Variants in DYNC2H1 observed in about 807,000 individuals in gnomAD.
DYNC2H1 encodes the protein dynein cytoplasmic 2 heavy chain 1.
A neutral mutation model predicts 570.0 loss-of-function variants in DYNC2H1; 410 were observed. The ratio of observed to expected loss-of-function variants is 0.72; its 90% confidence interval spans 0.66 to 0.78. The LOEUF is 0.78. DYNC2H1 is among the 30% of genes least tolerant of loss of function. DYNC2H1 has a pLI of 0.00. For synonymous variants in DYNC2H1, 1,688 were observed against 1,677.6 expected (o/e 1.01, Z -0.15); for missense variants, 4,865 against 5,046.4 (o/e 0.96, Z 1.09).
chr11:103,332,726 G>A (rs1183594423), intron 82 of DYNC2H1, among the ~76,000 whole-genome samples: 1 of 152,180 alleles, frequency 6.6e-6, no homozygotes, highest in Non-Finnish European at 1.5e-5. Flanking sequence ...TCTCGGCTGG[G>A]CACAGTGGCT....
At position 103,358,342 on chromosome 11, in the gene DYNC2H1, T is replaced by C; in HGVS notation, c.12139T>C (p.Trp4047Arg). Reference sequence around the variant, plus strand: ...TGAACTTTCTCCTGTCCTCAATCTCTGGAAGAAACTAAACCAGGTTAGTAG... The same window carrying C: ...TGAACTTTCTCCTGTCCTCAATCTCCGGAAGAAACTAAACCAGGTTAGTAG... ...SNELSPVLNL[W>R]KKLNQNSNLI... The change falls in exon 83 of 89, where the codon TGG becomes CGG. Residue 4047 changes from tryptophan (W) to arginine (R), a missense_variant. Transcript: ENST00000375735. 1 of 1,573,540 alleles carries C rather than the reference T, an allele frequency of 6.4e-7. No individual in the cohort carries two copies. The highest frequency in any genetic ancestry group is 1.2e-5 in the South Asian group (1 of 85,914).
At chr11:103,114,381 T>C (rs1858271071) in intron 3 of DYNC2H1, 143 bp downstream of exon 3, 1 of 992,072 alleles carries the variant, frequency 1.0e-6, no homozygotes. Context: ...AGTAGATTTA[T>C]GTGGATGTAG....
intron 70 of DYNC2H1, among the ~76,000 whole-genome samples, chr11:103,270,150 G>A (rs12805374): frequency 0.11 from 16,319 of 149,380 alleles, 1,031 homozygotes; most frequent in East Asian, 0.22. Context: ...CTGAGATCAC[G>A]CCACTGCATT....
Position 103,211,866 on chromosome 11 carries a change from A to G in DYNC2H1, c.8617A>G (p.Met2873Val). ...ATATGGTGCTACACCAAGCCGATAC[A>G]TGACCTTTTTACATGTGTATTCTGC... is the stretch of plus-strand genomic sequence containing the variant. ...KAYGATPSRY[M>V]TFLHVYSAIS... The change falls in exon 54 of 89, where the codon ATG becomes GTG. Residue 2873 changes from methionine (M) to valine (V), a missense_variant. By Grantham distance (21) the Met-to-Val change is conservative. Around this residue, in one of 5 missense-constraint regions of DYNC2H1, gnomAD observed 2,401 missense variants for 2,454.6 expected, o/e 0.98. Transcript: ENST00000375735. The G allele has an allele frequency of 2.0e-6, 3 of 1,531,022 alleles. No homozygotes were observed. The highest frequency in any genetic ancestry group is 1.8e-6 in the Non-Finnish European group (2 of 1,136,130). 94.8% of individuals were successfully genotyped at this position (1,531,022 alleles called of 1,614,324 possible). A position where few individuals can be genotyped will look rare whatever the true frequency, so the allele number is the denominator to read the frequency against.
Position 103,479,206 on chromosome 11 carries a change from G to C in DYNC2H1, c.12877G>C (p.Asp4293His), listed in dbSNP as rs1945666073. 1 of 1,613,880 alleles carries C rather than the reference G, an allele frequency of 6.2e-7. No individual in the cohort carries two copies. The highest frequency in any genetic ancestry group is 1.3e-5 in the African/African-American group (1 of 75,050). The change falls in exon 89 of 89, where the codon GAC becomes CAC. Residue 4293 changes from aspartate (D) to histidine (H), a missense_variant. By Grantham distance (81) the Asp-to-His change is moderately conservative. Coordinates refer to ENST00000375735, the MANE Select transcript of DYNC2H1 (RefSeq NM_001377.3). ...TGATGTTCCATGTGGGGGCAACCAA[G>C]ACCAGTGGATTCAGTGTGGAGCAGC... ...NIDVPCGGNQ[D>H]QWIQCGAALF...
At position 103,154,739 on chromosome 11, in the gene DYNC2H1, A is replaced by G; in HGVS notation, c.3503A>G (p.Asp1168Gly). The change falls in exon 24 of 89, where the codon GAC becomes GGC. Residue 1168 changes from aspartate (D) to glycine (G), a missense_variant. Transcript: ENST00000375735. ...GAGGAATTTTTGATGAACTGGCATG[A>G]CAGATTAAGGAAGGTTGAAGAACAT... ...LFEEFLMNWH[D>G]RLRKVEEHSV... is the part of the protein sequence containing the mutation. 6.4e-7 allele frequency: 1 copy of G among 1,573,604 alleles called. No homozygotes were observed. Among genetic ancestry groups the G allele is most frequent in the South Asian group, 1.2e-5 (1 of 84,842 alleles).
intron 37 of DYNC2H1, among the ~76,000 whole-genome samples, 157 bp downstream of exon 37, chr11:103,176,591 A>G (rs1861826499): frequency 6.6e-6 from 1 of 151,938 alleles, no homozygotes; most frequent in South Asian, 2.1e-4. Flanking sequence ...TCCTGATTTG[A>G]TCTTCTTGCT....
chr11:103,210,035 A>G (rs928112454), intron 53 of DYNC2H1, 75 bp downstream of exon 53: 64 of 1,327,856 alleles, frequency 4.8e-5, no homozygotes, highest in Admixed American at 7.6e-5. Context: ...CTACAGATCC[A>G]TTAAAGATTC....
chr11:103,358,816 A>G (rs531631952), intron 83 of DYNC2H1, among the ~76,000 whole-genome samples: 1 of 152,262 alleles, frequency 6.6e-6, no homozygotes, highest in African/African-American at 2.4e-5. Flanking sequence ...TATATATATT[A>G]TTATGTAATA....
chr11:103,171,048 T>C lies in DYNC2H1; in HGVS notation c.5314T>C (p.Cys1772Arg), dbSNP rs1161081745. 13 of 1,601,250 alleles carry C rather than the reference T, an allele frequency of 8.1e-6. No individual in the cohort carries two copies. Among genetic ancestry groups the C allele is most frequent in the Non-Finnish European group, 1.1e-5 (13 of 1,172,098 alleles). Residue 1772 changes from cysteine to arginine, a missense_variant, in exon 34 of 89, where the codon TGT (cysteine) becomes CGT (arginine). Physicochemically the swap from Cys to Arg is radical, Grantham distance 180 (BLOSUM62 -3). Transcript: ENST00000375735. ...QDALKNHRTVCELLGKEVEVN... is the reference protein window; with the variant it reads ...QDALKNHRTVRELLGKEVEVN... ...TGCTTTGAAGAATCATAGAACTGTA[T>C]GTGAACTGCTTGGCAAGGAGGTATA... is the stretch of plus-strand genomic sequence containing the variant.
intron 72 of DYNC2H1, among the ~76,000 whole-genome samples, chr11:103,282,546 T>G (rs1176104391): frequency 6.6e-6 from 1 of 151,772 alleles, no homozygotes; most frequent in Admixed American, 6.6e-5. Context: ...AAAATTTTTC[T>G]TATATACTTG....
intron 88 of DYNC2H1, among the ~76,000 whole-genome samples, chr11:103,477,832 C>CAAAAAAAAAA (rs55817710): frequency 2.3e-4 from 17 of 72,602 alleles, no homozygotes; most frequent in Non-Finnish European, 2.7e-4. Context: ...CTCCCCATCT[C>CAAAAAAAAAA]AAAAAAAAAA....
chr11:103,411,352 T>A (rs1943079371), intron 84 of DYNC2H1, among the ~76,000 whole-genome samples: 1 of 151,964 alleles, frequency 6.6e-6, no homozygotes, highest in Admixed American at 6.6e-5. Flanking sequence ...GGTGGGAAAT[T>A]GGTTGTTGTG....
At chr11:103,375,151 C>T (rs1214565788) in intron 83 of DYNC2H1, among the ~76,000 whole-genome samples, 2 of 152,206 alleles carry the variant, frequency 1.3e-5, no homozygotes, top group African/African-American at 4.8e-5. Context: ...AGGGTGCAAG[C>T]CTCAAGCCTT....
At chr11:103,411,958 G>A (rs1399759872) in intron 84 of DYNC2H1, among the ~76,000 whole-genome samples, 3 of 152,042 alleles carry the variant, frequency 2.0e-5, no homozygotes, top group East Asian at 3.9e-4. Context: ...GTTTTACAAA[G>A]CATGTTTAAA....
chr11:103,295,296 G>A (rs1451459775), intron 75 of DYNC2H1, among the ~76,000 whole-genome samples: 1 of 152,132 alleles, frequency 6.6e-6, no homozygotes, highest in African/African-American at 2.4e-5. Flanking sequence ...GTCTGGTAAT[G>A]AGGAGGAAAT....
At chr11:103,207,037 T>C (rs1404699072) in intron 52 of DYNC2H1, among the ~76,000 whole-genome samples, 1 of 152,076 alleles carries the variant, frequency 6.6e-6, no homozygotes, top group African/African-American at 2.4e-5. Context: ...TTCTTCTGCC[T>C]CAGCCTCTCG....
At chr11:103,225,507 G>T (rs1407039441) in intron 59 of DYNC2H1, among the ~76,000 whole-genome samples, 1 of 151,844 alleles carries the variant, frequency 6.6e-6, no homozygotes, top group Non-Finnish European at 1.5e-5. Context: ...GTTGAATAGG[G>T]CATCCTTTCC....
At chr11:103,278,867 C>G (rs888436149) in intron 70 of DYNC2H1, among the ~76,000 whole-genome samples, 2 of 152,090 alleles carry the variant, frequency 1.3e-5, no homozygotes, top group South Asian at 4.1e-4. Flanking sequence ...ATGCCTGGCC[C>G]TGTGTGGGTT....
Sources: allele counts gnomAD v4.1 joint callset (sites outside exome capture counted in the v4.1 genomes callset), GRCh38; gene constraint gnomAD v4.1.1; regional missense constraint gnomAD v4.1.1; transcripts MANE v1.5; gene names NCBI Gene and HGNC (gene_info 2026-07-23, HGNC 2026-07-21).